FHIT: variants seen among roughly 807,000 people sequenced by gnomAD.
FHIT encodes the protein fragile histidine triad diadenosine triphosphatase, also known as bis(5'-adenosyl)-triphosphatase.
In FHIT, 19 loss-of-function variants were observed where a neutral mutation model predicts 17.9. The ratio of observed to expected loss-of-function variants is 1.06; its 90% CI spans 0.74 to 1.56. The LOEUF is 1.56. FHIT is among the 40% of genes most tolerant of loss of function. The probability of loss-of-function intolerance (pLI) is 0.00; values close to 1 mark genes in which losing one functional copy is unlikely to be tolerated. For synonymous variants in FHIT, 81 were observed against 69.7 expected (o/e 1.16, Z -0.81); for missense variants, 248 against 189.2 (o/e 1.31, Z -1.82).
intron 8 of FHIT, among the ~76,000 whole-genome samples, chr3:59,832,035 T>A (rs1320338418): frequency 6.6e-6 from 1 of 152,066 alleles, no homozygotes; most frequent in Non-Finnish European, 1.5e-5. Flanking sequence ...CCTGAGTAAA[T>A]TAACCCATTA....
chr3:60,090,253 T>A (rs978825811), intron 5 of FHIT, among the ~76,000 whole-genome samples: 1 of 152,118 alleles, frequency 6.6e-6, no homozygotes, highest in Non-Finnish European at 1.5e-5. Flanking sequence ...AGTATGAAAA[T>A]GTGAAGGATC....
At chr3:60,585,079 A>G (rs1468188291) in intron 4 of FHIT, among the ~76,000 whole-genome samples, 1 of 152,036 alleles carries the variant, frequency 6.6e-6, no homozygotes, top group Non-Finnish European at 1.5e-5. Context: ...TTAGAAAATA[A>G]AAGAGAACAT....
intron 5 of FHIT, among the ~76,000 whole-genome samples, chr3:60,265,322 G>A (rs2107617109): frequency 6.6e-6 from 1 of 152,082 alleles, no homozygotes; most frequent in South Asian, 2.1e-4. Flanking sequence ...AGCAAACAGA[G>A]AAAGAGTAGT....
Position 60,014,216 on chromosome 3 carries a change from A to G in FHIT, c.104-64T>C, listed in dbSNP as rs112639626. On this transcript the variant is annotated intron_variant, in intron 5 of 9. Transcript: ENST00000492590. ...GGGTAGTGTTCTTACCAAGCAGTTCATACCCACAGGATTGAATCCTCTCGG... is the reference window on the plus strand; with the variant it reads ...GGGTAGTGTTCTTACCAAGCAGTTCGTACCCACAGGATTGAATCCTCTCGG... 7.8e-4 allele frequency: 1,214 copies of G among 1,551,756 alleles called. 14 individuals carry two copies. In the African/African-American group the frequency reaches 0.015, roughly 19 times the overall value.
At chr3:60,331,691 A>T (rs960241464) in intron 5 of FHIT, among the ~76,000 whole-genome samples, 1 of 152,096 alleles carries the variant, frequency 6.6e-6, no homozygotes, top group East Asian at 1.9e-4. Flanking sequence ...TGCTAAAAAT[A>T]CAAAATTAGC....
At chr3:60,142,662 C>T (rs563561406) in intron 5 of FHIT, among the ~76,000 whole-genome samples, 1 of 151,458 alleles carries the variant, frequency 6.6e-6, no homozygotes, top group South Asian at 2.1e-4. Context: ...CCACTATGCC[C>T]GGCTAACATT....
intron 3 of FHIT, among the ~76,000 whole-genome samples, chr3:60,975,813 T>A (rs1710207748): frequency 6.6e-6 from 1 of 152,172 alleles, no homozygotes; most frequent in Non-Finnish European, 1.5e-5. Flanking sequence ...AATCCCTAAA[T>A]TGTCTCACAA....
At chr3:60,421,398 A>C (rs1224142931) in intron 5 of FHIT, among the ~76,000 whole-genome samples, 1 of 152,160 alleles carries the variant, frequency 6.6e-6, no homozygotes, top group Non-Finnish European at 1.5e-5. Context: ...ACATTTTAGC[A>C]TACTTGGGTT....
At chr3:60,368,049 G>A (rs1700179836) in intron 5 of FHIT, among the ~76,000 whole-genome samples, 1 of 151,846 alleles carries the variant, frequency 6.6e-6, no homozygotes, top group Non-Finnish European at 1.5e-5. Flanking sequence ...GCTTTTGATG[G>A]ACTATCGGAT....
chr3:60,941,382 T>C (rs1370271495), intron 3 of FHIT, among the ~76,000 whole-genome samples: 1 of 150,032 alleles, frequency 6.7e-6, no homozygotes, highest in Non-Finnish European at 1.5e-5. Context: ...GTGTTTTAAA[T>C]TGAGGGCTCC....
At chr3:59,928,038 G>A (rs1042612473) in intron 7 of FHIT, among the ~76,000 whole-genome samples, 7 of 152,144 alleles carry the variant, frequency 4.6e-5, no homozygotes, top group East Asian at 1.9e-4. Context: ...GGCTCATGGC[G>A]GGGGAAAGAG....
intron 8 of FHIT, among the ~76,000 whole-genome samples, chr3:59,918,593 C>T (rs146237065): frequency 2.0e-5 from 3 of 152,226 alleles, no homozygotes; most frequent in Admixed American, 6.5e-5. Flanking sequence ...AAACAGCATG[C>T]CCAGTATACC....
At chr3:60,569,773 C>G (rs1191016769) in intron 4 of FHIT, among the ~76,000 whole-genome samples, 1 of 15,390 alleles carries the variant, frequency 6.5e-5, no homozygotes, top group Non-Finnish European at 1.6e-4. Context: ...TTTTTTTAGA[C>G]AGAGTTTTGC....
chr3:59,857,637 G>C (rs1268979595), intron 8 of FHIT, among the ~76,000 whole-genome samples: 1 of 150,384 alleles, frequency 6.6e-6, no homozygotes, highest in Non-Finnish European at 1.5e-5. Flanking sequence ...CTATGAGCGT[G>C]GAAAACACCA....
intron 4 of FHIT, among the ~76,000 whole-genome samples, chr3:60,745,479 G>A (rs1483630884): frequency 1.3e-5 from 2 of 152,190 alleles, no homozygotes; most frequent in African/African-American, 4.8e-5. Context: ...GCAACATAAA[G>A]CTATTTAAAG....
intron 5 of FHIT, among the ~76,000 whole-genome samples, chr3:60,374,013 C>CT (rs1460477776): frequency 2.0e-5 from 3 of 152,120 alleles, no homozygotes; most frequent in Non-Finnish European, 4.4e-5. Context: ...CTACATGTAT[C>CT]TTTTTAAAAA....
intron 4 of FHIT, among the ~76,000 whole-genome samples, chr3:60,670,580 A>G (rs1266388617): frequency 6.6e-6 from 1 of 152,216 alleles, no homozygotes; most frequent in African/African-American, 2.4e-5. Flanking sequence ...GAATGTGACC[A>G]GGAGAACTAG....
At chr3:60,422,147 T>G (rs1391923510) in intron 5 of FHIT, among the ~76,000 whole-genome samples, 1 of 152,162 alleles carries the variant, frequency 6.6e-6, no homozygotes, top group Non-Finnish European at 1.5e-5. Context: ...AGCAGCAGAT[T>G]TTTTGAGTGC....
intron 3 of FHIT, among the ~76,000 whole-genome samples, chr3:60,837,860 A>G (rs1393790307): frequency 2.0e-5 from 3 of 152,090 alleles, no homozygotes; most frequent in African/African-American, 7.2e-5. Context: ...TACCAGTTTG[A>G]GTAACATATA....
Sources: gnomAD v4.1 joint callset for allele counts (sites outside exome capture counted in the v4.1 genomes callset) on GRCh38, gnomAD v4.1.1 for gene constraint, MANE v1.5 for transcripts, NCBI Gene and HGNC (gene_info 2026-07-23, HGNC 2026-07-21) for gene names.